ACER3: variants seen among roughly 807,000 people sequenced by gnomAD.
The protein encoded by ACER3 is alkaline ceramidase 3, also known as alkCDase 3.
A neutral mutation model predicts 48.9 loss-of-function variants in ACER3; 16 were observed. The ratio of observed to expected loss-of-function variants is 0.33; its 90% CI spans 0.22 to 0.50. ACER3 has a LOEUF of 0.50. ACER3 is among the 20% of genes least tolerant of loss of function. The pLI is 0.98. For synonymous variants in ACER3, 109 were observed against 107.8 expected, an observed-to-expected ratio of 1.01 and a Z score of -0.07; for missense variants, 227 against 326.0, an observed-to-expected ratio of 0.70 and a Z score of 2.34.
At chr11:76,948,660 CCTT>C (rs1947548931) in intron 2 of ACER3, among the ~76,000 whole-genome samples, 1 of 152,130 alleles carries the variant, frequency 6.6e-6, no homozygotes, top group African/African-American at 2.4e-5. Flanking sequence ...GGAAACATGA[CCTT>C]CTCCTTGTAT....
intron 6 of ACER3, among the ~76,000 whole-genome samples, chr11:76,996,574 C>T (rs1948915656): frequency 1.3e-5 from 2 of 151,750 alleles, no homozygotes; most frequent in Non-Finnish European, 2.9e-5. Context: ...CCCACCACCA[C>T]ACTCAGCTAA....
chr11:77,014,499 ATG>A (rs1182887285), intron 7 of ACER3, among the ~76,000 whole-genome samples: 1 of 152,054 alleles, frequency 6.6e-6, no homozygotes, highest in African/African-American at 2.4e-5. Flanking sequence ...TAATGAATGA[ATG>A]TGTGTGTGTG....
At chr11:77,005,991 A>T (rs1295194414) in intron 7 of ACER3, among the ~76,000 whole-genome samples, 4,001 of 100,770 alleles carry the variant, frequency 0.04, 325 homozygotes, top group African/African-American at 0.13. Context: ...ATATATATAT[A>T]TTTTTTTTTT....
chr11:76,995,144 TA>T (rs1948886474), intron 6 of ACER3, among the ~76,000 whole-genome samples: 3 of 152,138 alleles, frequency 2.0e-5, no homozygotes, highest in African/African-American at 2.4e-5. Context: ...ATAACTGCTA[TA>T]AAAAAGAAAA....
At chr11:76,918,212 T>G (rs1163175310) in intron 1 of ACER3, among the ~76,000 whole-genome samples, 2 of 152,174 alleles carry the variant, frequency 1.3e-5, no homozygotes, top group African/African-American at 4.8e-5. Flanking sequence ...CAAATTGAAT[T>G]ACATTTGTGT....
chr11:76,921,399 G>A (rs570113148), intron 1 of ACER3, among the ~76,000 whole-genome samples: 10 of 152,312 alleles, frequency 6.6e-5, no homozygotes, highest in African/African-American at 2.4e-4. Context: ...TTTTGTGTAA[G>A]GAGTGTGAAC....
chr11:76,978,197 C>G (rs1252702180), intron 4 of ACER3, among the ~76,000 whole-genome samples: 2 of 152,190 alleles, frequency 1.3e-5, no homozygotes, highest in East Asian at 3.9e-4. Context: ...GGTGAAGCTC[C>G]ACCTTCAAGC....
chr11:76,991,340 T>C (rs1479247734), intron 6 of ACER3, among the ~76,000 whole-genome samples: 2 of 152,216 alleles, frequency 1.3e-5, no homozygotes, highest in African/African-American at 4.8e-5. Flanking sequence ...TGCCAGAGTT[T>C]TAAAATATTT....
At chr11:77,006,912 C>T (rs1949162543) in intron 7 of ACER3, among the ~76,000 whole-genome samples, 1 of 151,766 alleles carries the variant, frequency 6.6e-6, no homozygotes, top group Non-Finnish European at 1.5e-5. Context: ...GAGTTCAAGA[C>T]CAGACTGGGT....
chr11:76,924,660 C>T (rs975650422), intron 1 of ACER3, among the ~76,000 whole-genome samples: 1 of 152,042 alleles, frequency 6.6e-6, no homozygotes, highest in African/African-American at 2.4e-5. Context: ...CTGCTTTCCC[C>T]ACTATATTTT....
At chr11:76,962,467 AC>A in intron 3 of ACER3, among the ~76,000 whole-genome samples, 1 of 150,842 alleles carries the variant, frequency 6.6e-6, no homozygotes, top group East Asian at 1.9e-4. Context: ...TGATCCACCC[AC>A]CTGGCCTCCC....
At chr11:76,970,797 A>T (rs1239652519) in intron 3 of ACER3, among the ~76,000 whole-genome samples, 3 of 152,126 alleles carry the variant, frequency 2.0e-5, no homozygotes, top group African/African-American at 7.2e-5. Flanking sequence ...GTATGTTCAC[A>T]GATTGTGGAG....
intron 2 of ACER3, among the ~76,000 whole-genome samples, chr11:76,934,578 G>A (rs970203137): frequency 7.9e-5 from 12 of 152,238 alleles, no homozygotes; most frequent in Non-Finnish European, 7.3e-5. Context: ...GCAGGCACTC[G>A]GCAGGCTAAG....
rs1474626535 is a variant in ACER3 at position 77,020,536 on chromosome 11, C to T, written c.*209C>T. On this transcript the variant is annotated 3_prime_UTR_variant, in exon 11 of 11. Coordinates refer to ENST00000532485, the MANE Select transcript of ACER3 (RefSeq NM_018367.7). ...TGGCTTTATCTTATTTGTCCCCCTCCTCCTTTCACGCTCCAGTTTATAAAG... is the reference window on the plus strand; with the variant it reads ...TGGCTTTATCTTATTTGTCCCCCTCTTCCTTTCACGCTCCAGTTTATAAAG... 1.9e-6 allele frequency: 1 copy of T among 534,380 alleles called. No individual in the cohort carries two copies. Among genetic ancestry groups the T allele is most frequent in the African/African-American group, 1.9e-5 (1 of 52,236 alleles). The allele number at this position is 534,380 out of a possible 1,614,324, so 33.1% of individuals were successfully genotyped here.
intron 1 of ACER3, among the ~76,000 whole-genome samples, chr11:76,911,407 T>A (rs1031257524): frequency 6.6e-6 from 1 of 152,170 alleles, no homozygotes; most frequent in Non-Finnish European, 1.5e-5. Flanking sequence ...AATTAGCATA[T>A]GATTAGCAGT....
intron 3 of ACER3, among the ~76,000 whole-genome samples, chr11:76,969,797 G>A (rs1340640750): frequency 7.5e-6 from 1 of 133,050 alleles, no homozygotes; most frequent in Non-Finnish European, 1.5e-5. Context: ...GCCTGTTGTG[G>A]GGTGGGGGGA....
chr11:76,918,614 AAC>A lies in ACER3; in HGVS notation c.104-7939_104-7938del, dbSNP rs540594926. On this transcript the variant is annotated intron_variant, in intron 1 of 10. Transcript: ENST00000532485. ...GTTCACTATATAGATATTAATTCTT[AAC>A]ACAGCAAGATTGTGGAAGTTCTTAT... 2.5e-3 allele frequency among the ~76,000 whole-genome samples: 383 copies of A among 152,176 alleles called. 2 individuals carry two copies. The highest frequency in any genetic ancestry group is 8.8e-3 in the African/African-American group (366 of 41,552).
chr11:77,014,547 A>T (rs1237312649), intron 7 of ACER3, among the ~76,000 whole-genome samples: 1 of 152,164 alleles, frequency 6.6e-6, no homozygotes, highest in African/African-American at 2.4e-5. Flanking sequence ...GGAGCATATG[A>T]CTCAACCTAC....
chr11:76,975,296 T>G (rs1591018689), intron 3 of ACER3, among the ~76,000 whole-genome samples: 1 of 152,316 alleles, frequency 6.6e-6, no homozygotes, highest in Admixed American at 6.5e-5. Flanking sequence ...TGGCACATAG[T>G]GGACATTTTA....
Sources: gnomAD v4.1 joint callset for allele counts (sites outside exome capture counted in the v4.1 genomes callset) on GRCh38, gnomAD v4.1.1 for gene constraint, MANE v1.5 for transcripts, NCBI Gene and HGNC (gene_info 2026-07-23, HGNC 2026-07-21) for gene names.